Variants in ASTN2 observed in about 807,000 individuals in gnomAD.
ASTN2 encodes astrotactin 2.
A neutral mutation model predicts 139.8 loss-of-function variants in ASTN2; 54 were observed. That is an observed-to-expected ratio of 0.39 (90% CI 0.31 to 0.48). The LOEUF is 0.48. Among genes scored for constraint, ASTN2 ranks in the 20% least tolerant of loss-of-function variants. The pLI, the probability that ASTN2 is intolerant of heterozygous loss-of-function variation, is 0.95. For synonymous variants in ASTN2, 756 were observed against 719.5 expected (o/e 1.05, Z -0.81); for missense variants, 1,565 against 1,725.1 (o/e 0.91, Z 1.64).
chr9:117,289,936 G>C (rs1452923389), intron 2 of ASTN2, among the ~76,000 whole-genome samples: 1 of 152,176 alleles, frequency 6.6e-6, no homozygotes, highest in Non-Finnish European at 1.5e-5. Context: ...TCCAAAAAGA[G>C]AAAACTTCTA....
At position 116,816,896 on chromosome 9, in the gene ASTN2, A is replaced by AAAATAAATAAAT. The variant is rs10525804; in HGVS notation, c.2207+3709_2207+3720dup. ...TTCCTTTCCCTTGTAGGTAGAAATG[A>AAAATAAATAAAT]AAATAAATAAATAAATAAATAAATA... On this transcript the variant is annotated intron_variant, in intron 12 of 22. Transcript: ENST00000313400. 7.1e-3 allele frequency among the ~76,000 whole-genome samples: 1,048 copies of AAAATAAATAAAT among 148,218 alleles called. 11 individuals are homozygous for AAAATAAATAAAT. Among genetic ancestry groups the AAAATAAATAAAT allele is most frequent in the African/African-American group, 0.019 (780 of 40,252 alleles).
Position 116,978,522 on chromosome 9 carries a change from C to CACACAG in ASTN2, c.1592-1738_1592-1737insCTGTGT, listed in dbSNP as rs138804229. On this transcript the variant is annotated intron_variant, in intron 7 of 22. Transcript: ENST00000313400. ...ACACACACACACACACACACACACACAGAGAGATAAACCTGTCACCCTTGG... is the reference window on the plus strand; with the variant it reads ...ACACACACACACACACACACACACACACACAGAGAGAGATAAACCTGTCACCCTTGG... Among the ~76,000 whole-genome samples, 317 of 150,384 alleles carry CACACAG rather than the reference C, an allele frequency of 2.1e-3. 2 individuals are homozygous for CACACAG. The highest frequency in any genetic ancestry group is 6.9e-3 in the African/African-American group (283 of 40,812).
chr9:116,686,603 T>A, intron 16 of ASTN2: 1 of 1,284,674 alleles, frequency 7.8e-7, no homozygotes, highest in Non-Finnish European at 1.1e-6. Context: ...GTGCCCCAGA[T>A]TCCCTCAAAT....
At chr9:117,203,932 G>A (rs992086459) in intron 3 of ASTN2, among the ~76,000 whole-genome samples, 16 of 152,264 alleles carry the variant, frequency 1.1e-4, no homozygotes, top group African/African-American at 3.6e-4. Flanking sequence ...TGGGCTGCCC[G>A]GATTCATCAG....
intron 19 of ASTN2, among the ~76,000 whole-genome samples, chr9:116,571,649 G>C (rs1853521051): frequency 6.6e-6 from 1 of 152,152 alleles, no homozygotes; most frequent in Non-Finnish European, 1.5e-5. Flanking sequence ...AGGTGGCTAT[G>C]TTTACGCATC....
At chr9:117,114,469 T>C (rs2132795586) in intron 4 of ASTN2, among the ~76,000 whole-genome samples, 1 of 152,320 alleles carries the variant, frequency 6.6e-6, no homozygotes, top group South Asian at 2.1e-4. Flanking sequence ...CCCTCATTGA[T>C]ACACTGCATT....
intron 10 of ASTN2, among the ~76,000 whole-genome samples, chr9:116,905,847 T>A (rs1292454575): frequency 1.7e-5 from 2 of 117,056 alleles, no homozygotes; most frequent in African/African-American, 3.4e-5. Flanking sequence ...CAGTAAGTGA[T>A]CCCTGTTTTT....
chr9:116,440,199 A>G (rs890737249), intron 22 of ASTN2, among the ~76,000 whole-genome samples: 1 of 152,150 alleles, frequency 6.6e-6, no homozygotes, highest in African/African-American at 2.4e-5. Flanking sequence ...AATCATAGCT[A>G]TTTACTGTAA....
At chr9:117,371,245 C>T (rs1457152995) in intron 1 of ASTN2, among the ~76,000 whole-genome samples, 1 of 152,134 alleles carries the variant, frequency 6.6e-6, no homozygotes, top group Non-Finnish European at 1.5e-5. Flanking sequence ...CGAGGGAAGG[C>T]CAAGACTAAA....
chr9:116,967,114 A>T (rs1292461082), intron 10 of ASTN2, among the ~76,000 whole-genome samples: 2 of 152,222 alleles, frequency 1.3e-5, no homozygotes, highest in Non-Finnish European at 2.9e-5. Context: ...GAAAACATGT[A>T]GAGCACTTAA....
At chr9:117,310,889 G>T (rs1213763603) in intron 1 of ASTN2, among the ~76,000 whole-genome samples, 3 of 152,126 alleles carry the variant, frequency 2.0e-5, no homozygotes, top group Non-Finnish European at 4.4e-5. Context: ...TTCCCAAATT[G>T]CTTACAGGCA....
At chr9:116,816,732 G>T (rs1831339319) in intron 12 of ASTN2, among the ~76,000 whole-genome samples, 1 of 151,992 alleles carries the variant, frequency 6.6e-6, no homozygotes, top group Non-Finnish European at 1.5e-5. Flanking sequence ...CATGGGGCCT[G>T]TGCAGCCCCA....
chr9:117,060,155 A>G (rs1309925382), intron 5 of ASTN2, among the ~76,000 whole-genome samples: 2 of 151,580 alleles, frequency 1.3e-5, no homozygotes, highest in Non-Finnish European at 1.5e-5. Context: ...TACTAAAAAT[A>G]CAAAAATTAG....
chr9:116,464,017 A>T (rs890160517), intron 20 of ASTN2, among the ~76,000 whole-genome samples: 2 of 149,110 alleles, frequency 1.3e-5, no homozygotes, highest in South Asian at 4.3e-4. Context: ...CAAAGTGCTG[A>T]GATTAAAGGT....
intron 5 of ASTN2, among the ~76,000 whole-genome samples, chr9:117,071,524 T>C (rs1828126460): frequency 6.7e-6 from 1 of 150,220 alleles, no homozygotes; most frequent in African/African-American, 2.4e-5. Flanking sequence ...CTCCTTGAGC[T>C]GTGGTGGGCT....
chr9:116,446,793 G>A (rs183418749), intron 20 of ASTN2, among the ~76,000 whole-genome samples: 15 of 152,288 alleles, frequency 9.8e-5, no homozygotes, highest in African/African-American at 3.4e-4. Flanking sequence ...CAGACTGTGT[G>A]GTATGAGATC....
At chr9:116,495,202 A>C (rs1849633056) in intron 19 of ASTN2, among the ~76,000 whole-genome samples, 1 of 152,208 alleles carries the variant, frequency 6.6e-6, no homozygotes, top group Admixed American at 6.5e-5. Flanking sequence ...CTGAGACTTC[A>C]GGCTCATCCT....
In ASTN2 at chr9:116,698,545, G is replaced by C. The variant is rs1861003758; in HGVS notation, c.2806+27226C>G. ...GAGGAGGAGCCAGAGCTCACTGCCAGCTTGCCTCGGGAGCTCACCCTGCAA... is the reference window on the plus strand; with the variant it reads ...GAGGAGGAGCCAGAGCTCACTGCCACCTTGCCTCGGGAGCTCACCCTGCAA... On this transcript the variant is annotated intron_variant, in intron 16 of 22. Coordinates refer to ENST00000313400, the MANE Select transcript of ASTN2 (RefSeq NM_001365068.1). This position sits in a 1 kb window ranked among gnomAD's most constrained non-coding sequence, Gnocchi z 4.4. The C allele has an allele frequency of 6.2e-7, 1 of 1,613,794 alleles. No individual in the cohort carries two copies. Among genetic ancestry groups the C allele is most frequent in the African/African-American group, 1.3e-5 (1 of 74,926 alleles).
intron 1 of ASTN2, among the ~76,000 whole-genome samples, chr9:117,296,284 A>G (rs1834733051): frequency 7.2e-6 from 1 of 138,672 alleles, no homozygotes; most frequent in Non-Finnish European, 1.7e-5. Flanking sequence ...TCTCAAAAAA[A>G]AAAAAAAAAA....
Sources: gnomAD v4.1 joint callset for allele counts (sites outside exome capture counted in the v4.1 genomes callset) on GRCh38, gnomAD v4.1.1 for gene constraint, Gnocchi (gnomAD v3.1) non-coding constraint, MANE v1.5 for transcripts, NCBI Gene and HGNC (gene_info 2026-07-23, HGNC 2026-07-21) for gene names.